LRMDA: variants seen among roughly 807,000 people sequenced by gnomAD.
The protein encoded by LRMDA is leucine-rich melanocyte differentiation-associated protein.
In LRMDA, 18 loss-of-function variants were observed where a neutral mutation model predicts 29.8. The ratio of observed to expected loss-of-function variants is 0.60; its 90% CI spans 0.42 to 0.90. The LOEUF (loss-of-function observed/expected upper bound fraction) is 0.90. Among genes scored for constraint, LRMDA ranks in the 40% least tolerant of loss-of-function variants. The pLI, the probability that LRMDA is intolerant of heterozygous loss-of-function variation, is 0.00. For synonymous variants in LRMDA, 125 were observed against 109.4 expected (o/e 1.14, Z -0.89); for missense variants, 273 against 273.9 (o/e 1.00, Z 0.02).
At chr10:76,546,882 T>C (rs1000449523) in intron 6 of LRMDA, among the ~76,000 whole-genome samples, 2 of 152,114 alleles carry the variant, frequency 1.3e-5, no homozygotes, top group African/African-American at 4.8e-5. Context: ...GGTATGAAAA[T>C]AGTTACTTGA....
intron 2 of LRMDA, among the ~76,000 whole-genome samples, chr10:75,633,225 G>A (rs1231267526): frequency 6.6e-6 from 1 of 152,086 alleles, no homozygotes; most frequent in Admixed American, 6.5e-5. Flanking sequence ...AAACCTTATG[G>A]CGTAACTTTC....
At chr10:76,230,796 G>C (rs1254675986) in intron 5 of LRMDA, among the ~76,000 whole-genome samples, 1 of 152,162 alleles carries the variant, frequency 6.6e-6, no homozygotes, top group African/African-American at 2.4e-5. Context: ...GTAATGAATA[G>C]GTTCATAAAA....
At position 76,491,993 on chromosome 10, in the gene LRMDA, C is replaced by T. The variant is rs192762487; in HGVS notation, c.602-65216C>T. On this transcript the variant is annotated intron_variant, in intron 6 of 6. Coordinates refer to ENST00000611255, the MANE Select transcript of LRMDA (RefSeq NM_001305581.2). The stretch of plus-strand genomic sequence containing the variant: ...TGATAGGAGACTCTGATGCATTCTT[C>T]CTTATGTCAATTGCATTTTTCAACT... Among the ~76,000 whole-genome samples, 132 of 152,062 alleles carry T rather than the reference C, an allele frequency of 8.7e-4. 1 individual carries two copies. The highest frequency in any genetic ancestry group is 3.4e-4 in the Non-Finnish European group (23 of 67,962).
chr10:75,734,560 A>C (rs1842738025), intron 2 of LRMDA, among the ~76,000 whole-genome samples: 1 of 152,164 alleles, frequency 6.6e-6, no homozygotes. Context: ...ATTATTTGGG[A>C]TTTTGAAAAT....
chr10:76,415,672 C>G (rs1185886716), intron 6 of LRMDA, among the ~76,000 whole-genome samples: 1 of 152,010 alleles, frequency 6.6e-6, no homozygotes, highest in Admixed American at 6.6e-5. Flanking sequence ...GGATACGATC[C>G]CATACACACT....
chr10:75,608,836 G>A (rs1184363065), intron 2 of LRMDA, among the ~76,000 whole-genome samples: 2 of 152,152 alleles, frequency 1.3e-5, no homozygotes. Context: ...TCTGTTCACT[G>A]TTTCTTCCAA....
At chr10:76,508,605 T>C (rs1045824733) in intron 6 of LRMDA, among the ~76,000 whole-genome samples, 1 of 152,152 alleles carries the variant, frequency 6.6e-6, no homozygotes, top group Non-Finnish European at 1.5e-5. Context: ...TTTTTTTTTT[T>C]ACATGCCCTT....
At chr10:75,905,255 TAA>T (rs60834248) in intron 2 of LRMDA, among the ~76,000 whole-genome samples, 1 of 143,260 alleles carries the variant, frequency 7.0e-6, no homozygotes, top group South Asian at 2.2e-4. Flanking sequence ...TTTTTTTTTT[TAA>T]ATCATAGACC....
At chr10:76,168,770 G>C (rs1850784610) in intron 5 of LRMDA, among the ~76,000 whole-genome samples, 1 of 152,150 alleles carries the variant, frequency 6.6e-6, no homozygotes, top group Non-Finnish European at 1.5e-5. Flanking sequence ...AAAGTTGTCA[G>C]ATCTATTTCC....
intron 6 of LRMDA, among the ~76,000 whole-genome samples, chr10:76,387,329 TAG>T (rs1310086927): frequency 1.2e-4 from 18 of 152,142 alleles, no homozygotes; most frequent in Admixed American, 2.6e-4. Flanking sequence ...AGAGCAGGCA[TAG>T]TGGCTCATGC....
intron 2 of LRMDA, among the ~76,000 whole-genome samples, chr10:75,686,954 C>T (rs1167385014): frequency 6.6e-6 from 1 of 151,958 alleles, no homozygotes; most frequent in Non-Finnish European, 1.5e-5. Flanking sequence ...TTTGATGTTC[C>T]CATTATAATT....
chr10:76,025,816 T>G (rs1848053766), intron 2 of LRMDA, among the ~76,000 whole-genome samples: 1 of 152,146 alleles, frequency 6.6e-6, no homozygotes, highest in Non-Finnish European at 1.5e-5. Flanking sequence ...CTTCTCAGAG[T>G]AGCACTAATC....
intron 2 of LRMDA, among the ~76,000 whole-genome samples, chr10:75,802,320 A>AAC (rs1277198568): frequency 5.0e-5 from 7 of 139,726 alleles, no homozygotes; most frequent in Admixed American, 2.2e-4. Flanking sequence ...CCTATCTCTA[A>AAC]ACACACACAC....
At chr10:75,721,223 C>G (rs999724075) in intron 2 of LRMDA, among the ~76,000 whole-genome samples, 2 of 152,130 alleles carry the variant, frequency 1.3e-5, no homozygotes, top group Admixed American at 6.5e-5. Flanking sequence ...TAGTGCCCTG[C>G]TTAGCTTTCT....
intron 2 of LRMDA, among the ~76,000 whole-genome samples, chr10:75,551,485 G>T (rs897951590): frequency 1.2e-4 from 18 of 148,796 alleles, no homozygotes; most frequent in African/African-American, 4.2e-4. Context: ...CCCTCCCCTA[G>T]CCCCCATCCC....
At chr10:75,764,968 T>TG (rs1564562264) in intron 2 of LRMDA, among the ~76,000 whole-genome samples, 1 of 149,724 alleles carries the variant, frequency 6.7e-6, no homozygotes, top group African/African-American at 2.5e-5. Context: ...TGTGTGTGTG[T>TG]TCATAGCATC....
At chr10:75,520,915 G>T (rs1845349240) in intron 2 of LRMDA, among the ~76,000 whole-genome samples, 1 of 152,164 alleles carries the variant, frequency 6.6e-6, no homozygotes, top group Admixed American at 6.5e-5. Flanking sequence ...CTTTCTGTTT[G>T]TTAGTTTTCC....
chr10:76,203,320 T>A (rs767044603), intron 5 of LRMDA, among the ~76,000 whole-genome samples: 9 of 152,190 alleles, frequency 5.9e-5, no homozygotes, highest in Non-Finnish European at 1.0e-4. Context: ...TGTTTTTGAA[T>A]AGAGACTGCG....
chr10:75,834,215 C>A (rs1483896481), intron 2 of LRMDA, among the ~76,000 whole-genome samples: 2 of 152,142 alleles, frequency 1.3e-5, no homozygotes, highest in Non-Finnish European at 2.9e-5. Context: ...CATGGGGATT[C>A]ATTCCATGAG....
Sources: gnomAD v4.1 joint callset for allele counts (sites outside exome capture counted in the v4.1 genomes callset) on GRCh38, gnomAD v4.1.1 for gene constraint, MANE v1.5 for transcripts, NCBI Gene and HGNC (gene_info 2026-07-23, HGNC 2026-07-21) for gene names.